Variants in NCKAP5 observed in about 807,000 individuals in gnomAD.
The protein encoded by NCKAP5 is nck-associated protein 5.
A neutral mutation model predicts 167.0 loss-of-function variants in NCKAP5; 92 were observed. The ratio of observed to expected loss-of-function variants is 0.55; its 90% CI spans 0.47 to 0.66. NCKAP5 has a LOEUF of 0.66. NCKAP5 is among the 30% of genes least tolerant of loss of function. The probability of loss-of-function intolerance (pLI) is 0.00; values close to 1 mark genes in which losing one functional copy is unlikely to be tolerated. For missense variants in NCKAP5, 2,378 were observed against 2,315.0 expected, an observed-to-expected ratio of 1.03 and a Z score of -0.56; for synonymous variants, 891 against 877.4, an observed-to-expected ratio of 1.02 and a Z score of -0.27.
At chr2:132,873,143 A>G (rs1574480843) in intron 9 of NCKAP5, among the ~76,000 whole-genome samples, 1 of 152,296 alleles carries the variant, frequency 6.6e-6, no homozygotes, top group African/African-American at 2.4e-5. Flanking sequence ...TCACTTTGTC[A>G]CCCAGGCTGG....
At chr2:132,970,558 CA>C (rs2076801077) in intron 7 of NCKAP5, among the ~76,000 whole-genome samples, 1 of 152,166 alleles carries the variant, frequency 6.6e-6, no homozygotes, top group Non-Finnish European at 1.5e-5. Flanking sequence ...TTGTTTACCT[CA>C]ACAAATACCA....
chr2:133,273,095 G>A (rs1365652379), intron 4 of NCKAP5, among the ~76,000 whole-genome samples: 5 of 152,232 alleles, frequency 3.3e-5, no homozygotes, highest in Admixed American at 2.6e-4. Context: ...GAGTCCTATA[G>A]TAAGTGTTTA....
the NCKAP5 span, among the ~76,000 whole-genome samples, chr2:133,674,238 A>T: frequency 3.1e-5 from 2 of 63,550 alleles, no homozygotes; most frequent in African/African-American, 1.3e-4. Context: ...AGGAAGAGGG[A>T]AAAAAGAAAA....
chr2:133,192,222 A>T (rs1480879527), intron 5 of NCKAP5, among the ~76,000 whole-genome samples: 1 of 152,128 alleles, frequency 6.6e-6, no homozygotes, highest in East Asian at 1.9e-4. Flanking sequence ...AAATAGTGGA[A>T]AAATTGGCCA....
chr2:132,869,946 T>A (rs1225246866), intron 9 of NCKAP5, among the ~76,000 whole-genome samples: 1 of 152,194 alleles, frequency 6.6e-6, no homozygotes. Context: ...AATATAATTC[T>A]TAGTAATTTT....
At chr2:133,359,413 G>A (rs755208395) in intron 3 of NCKAP5, among the ~76,000 whole-genome samples, 1 of 152,140 alleles carries the variant, frequency 6.6e-6, no homozygotes, top group Non-Finnish European at 1.5e-5. Flanking sequence ...GCATAATTAT[G>A]TGAGGTTGCT....
chr2:133,448,308 T>A (rs961070525), intron 3 of NCKAP5, among the ~76,000 whole-genome samples: 3 of 151,582 alleles, frequency 2.0e-5, no homozygotes, highest in African/African-American at 7.3e-5. Context: ...TTCCGGAAAC[T>A]CTTTTCCACA....
At chr2:132,730,393 G>T (rs1558980984) in intron 17 of NCKAP5, among the ~76,000 whole-genome samples, 1 of 152,196 alleles carries the variant, frequency 6.6e-6, no homozygotes, top group Non-Finnish European at 1.5e-5. Flanking sequence ...TACTCAGGAG[G>T]CTGAGGCAAG....
intron 6 of NCKAP5, among the ~76,000 whole-genome samples, chr2:133,017,726 G>GC (rs201317500): frequency 0.082 from 11,141 of 136,384 alleles, 412 homozygotes; most frequent in Middle Eastern, 0.13. Flanking sequence ...GTTCTTCCCC[G>GC]CCCCCCCACT....
At chr2:133,647,161 ACCCCT>A in the NCKAP5 span, among the ~76,000 whole-genome samples, 91 of 151,908 alleles carry the variant, frequency 6.0e-4, 2 homozygotes, top group East Asian at 0.015. Flanking sequence ...ACATAGCAAG[ACCCCT>A]CTTCTACAAA....
intron 6 of NCKAP5, among the ~76,000 whole-genome samples, chr2:133,017,158 T>C (rs747660429): frequency 3.9e-5 from 6 of 152,260 alleles, no homozygotes; most frequent in Non-Finnish European, 8.8e-5. Context: ...TCTGTGTCTA[T>C]ACAAAACCAT....
At chr2:133,376,985 G>T (rs1686188865) in intron 3 of NCKAP5, among the ~76,000 whole-genome samples, 1 of 152,082 alleles carries the variant, frequency 6.6e-6, no homozygotes, top group Non-Finnish European at 1.5e-5. Context: ...TCATTTGTGG[G>T]TAGGAAAAAA....
At chr2:133,073,780 T>G (rs563538972) in intron 6 of NCKAP5, among the ~76,000 whole-genome samples, 1 of 152,326 alleles carries the variant, frequency 6.6e-6, no homozygotes, top group East Asian at 1.9e-4. Flanking sequence ...TTTGTCATTC[T>G]TAATTAAAAC....
chr2:133,364,874 CTGAG>C (rs1196578535), intron 3 of NCKAP5, among the ~76,000 whole-genome samples: 1 of 152,062 alleles, frequency 6.6e-6, no homozygotes, highest in African/African-American at 2.4e-5. Flanking sequence ...CCTCAGCCTC[CTGAG>C]TAGCTGGGAC....
At chr2:132,689,644 C>T (rs959179100) in intron 19 of NCKAP5, among the ~76,000 whole-genome samples, 8 of 152,140 alleles carry the variant, frequency 5.3e-5, no homozygotes, top group Non-Finnish European at 1.2e-4. Flanking sequence ...GCTTATCAGT[C>T]TCTGTCATCT....
At chr2:133,326,079 G>A (rs1194277615) in intron 3 of NCKAP5, among the ~76,000 whole-genome samples, 1 of 152,132 alleles carries the variant, frequency 6.6e-6, no homozygotes, top group Non-Finnish European at 1.5e-5. Flanking sequence ...TCTTTAATTT[G>A]TTCTGGACAG....
chr2:133,130,218 C>T (rs1194072039), intron 5 of NCKAP5, 107 bp from the exon 6 acceptor site: 3 of 1,258,490 alleles, frequency 2.4e-6, no homozygotes, highest in East Asian at 2.7e-5. Flanking sequence ...TGAATTTCAT[C>T]CTTTGAACAA....
At chr2:132,879,000 T>C in intron 8 of NCKAP5, 84 bp from the exon 9 acceptor site, 1 of 1,033,782 alleles carries the variant, frequency 9.7e-7, no homozygotes, top group Non-Finnish European at 1.5e-6. Context: ...TTACTAAATA[T>C]ATCTCCTCGT....
At chr2:132,886,838 A>C (rs1692262044) in intron 8 of NCKAP5, among the ~76,000 whole-genome samples, 1 of 152,222 alleles carries the variant, frequency 6.6e-6, no homozygotes, top group South Asian at 2.1e-4. Context: ...CCAAAATCCA[A>C]AACTTTTTGA....
Sources: allele counts gnomAD v4.1 joint callset (sites outside exome capture counted in the v4.1 genomes callset), GRCh38; gene constraint gnomAD v4.1.1; transcripts MANE v1.5; gene names NCBI Gene and HGNC (gene_info 2026-07-23, HGNC 2026-07-21).